The following CPNE9 variants were observed in gnomAD, a reference collection of about 807,000 sequenced individuals.
CPNE9 encodes copine family member 9.
Under a neutral mutation model 83.0 loss-of-function variants are expected in CPNE9, and 59 were observed. That is an observed-to-expected ratio of 0.71 (90% confidence interval 0.58 to 0.88). The LOEUF is 0.88. Ranked by LOEUF, CPNE9 falls within the 40% of genes least tolerant of loss-of-function variation. The probability of loss-of-function intolerance (pLI) is 0.00; values close to 1 mark genes in which losing one functional copy is unlikely to be tolerated. For missense variants in CPNE9, 619 were observed against 720.8 expected (o/e 0.86, Z 1.62); for synonymous variants, 256 against 273.4 (o/e 0.94, Z 0.63).
At chr3:9,715,418 A>C in intron 12 of CPNE9, 54 bp downstream of exon 12, 1 of 1,611,886 alleles carries the variant, frequency 6.2e-7, no homozygotes, top group Non-Finnish European at 8.5e-7. Flanking sequence ...CAGTGTGCTC[A>C]GTCTGGACCT....
chr3:9,705,444 C>T lies in CPNE9; in HGVS notation c.261-20C>T, dbSNP rs2076553289. 1.3e-6 allele frequency: 2 copies of T among 1,514,554 alleles called. No individual in the cohort carries two copies. Among genetic ancestry groups the T allele is most frequent in the African/African-American group, 1.4e-5 (1 of 72,112 alleles). The allele number at this position is 1,514,554 out of a possible 1,614,324, so 93.8% of individuals were successfully genotyped here. On this transcript the variant is annotated intron_variant, in intron 4 of 20. Coordinates refer to ENST00000383832, the MANE Select transcript of CPNE9 (RefSeq NM_153635.3). ...TCCCCCACCCAGCCCCACCCCACACCGGTTCCACTCTTTTCCCAGGTACAA... is the reference window on the plus strand; with the variant it reads ...TCCCCCACCCAGCCCCACCCCACACTGGTTCCACTCTTTTCCCAGGTACAA...
At position 9,729,668 on chromosome 3, in the gene CPNE9, G is replaced by C. The variant is rs200650201; in HGVS notation, c.1638G>C (p.Pro546=). The C allele has an allele frequency of 3.1e-6, 5 of 1,610,318 alleles. No homozygotes were observed. Among genetic ancestry groups the C allele is most frequent in the Non-Finnish European group, 4.2e-6 (5 of 1,177,160 alleles). ...CCCCACCCCCTGCCAACCCCAGCCC[G>C]ATCCCAGCTCCAGAGCAGCCCTGAG... ...PRPPPPANPS[P]IPAPEQP is the part of the protein sequence containing the mutation. The change falls in exon 21 of 21, where the codon CCG becomes CCC. Residue 546 remains proline, a synonymous_variant. Coordinates refer to ENST00000383832, the MANE Select transcript of CPNE9 (RefSeq NM_153635.3).
chr3:9,725,707 T>C (rs1469626147), intron 17 of CPNE9, among the ~76,000 whole-genome samples: 1 of 148,830 alleles, frequency 6.7e-6, no homozygotes, highest in East Asian at 1.9e-4. Flanking sequence ...TGTATATATG[T>C]GTATATATGT....
At position 9,704,471 on chromosome 3, in the gene CPNE9, G is replaced by A; in HGVS notation, c.69-116G>A. On this transcript the variant is annotated intron_variant, in intron 1 of 20. Coordinates refer to ENST00000383832, the MANE Select transcript of CPNE9 (RefSeq NM_153635.3). This position sits in a 1 kb window ranked among gnomAD's most constrained non-coding sequence, Gnocchi z 7.1. ...GCGGACCCCGGCTGGGGGTAGCCAT[G>A]GGGGACAGAGGTTCGATGCGGGCCC... is the stretch of plus-strand genomic sequence containing the variant. 2.2e-6 allele frequency: 2 copies of A among 894,208 alleles called. No homozygotes were observed. The allele number at this position is 894,208 out of a possible 1,614,324, so 55.4% of individuals were successfully genotyped here.
At position 9,712,784 on chromosome 3, in the gene CPNE9, A is replaced by G. The variant is rs561992622; in HGVS notation, c.501A>G (p.Lys167=). The G allele has an allele frequency of 1.0e-4, 169 of 1,614,150 alleles. 1 individual carries two copies. The East Asian group carries it at 3.6e-3, about 35-fold the overall frequency. The change falls in exon 9 of 21, where the codon AAA becomes AAG. Residue 167 remains lysine, a synonymous_variant. Transcript: ENST00000383832. ...NKLDKKDFFG[K]SDPFLVFYRS... The stretch of plus-strand genomic sequence containing the variant: ...TGGACAAGAAGGACTTCTTTGGGAA[A>G]TCAGACCCCTTCCTTGTGTTCTACA...
chr3:9,725,684 A>ATATATATGTGTATATATG (rs1559646180), intron 17 of CPNE9, among the ~76,000 whole-genome samples: 5 of 59,944 alleles, frequency 8.3e-5, no homozygotes, highest in South Asian at 1.4e-3. Flanking sequence ...GTGTATATAT[A>ATATATATGTGTATATATG]TATACATATA....
chr3:9,722,526 T>A (rs1032059564), intron 17 of CPNE9, among the ~76,000 whole-genome samples: 8 of 151,980 alleles, frequency 5.3e-5, no homozygotes, highest in Middle Eastern at 3.4e-3. Context: ...TTTTTTTTTT[T>A]AAGAGACAGG....
Position 9,729,871 on chromosome 3 carries a change from C to G in CPNE9, c.*179C>G, listed in dbSNP as rs1045157989. ...AGGGCCTGGCACTATCACCACCTCT[C>G]TGCCTTCATGCCAATAATAAAGCTG... On this transcript the variant is annotated 3_prime_UTR_variant, in exon 21 of 21. Transcript: ENST00000383832. 15 of 767,928 alleles carry G rather than the reference C, an allele frequency of 2.0e-5. No homozygotes were observed. Among genetic ancestry groups the G allele is most frequent in the Non-Finnish European group, 3.0e-5 (15 of 508,188 alleles). The allele number at this position is 767,928 out of a possible 1,614,324, so 47.6% of individuals were successfully genotyped here. A position where few individuals can be genotyped will look rare whatever the true frequency, so the allele number is the denominator to read the frequency against.
At chr3:9,709,516 C>G (rs1024185100) in intron 7 of CPNE9, among the ~76,000 whole-genome samples, 3 of 151,054 alleles carry the variant, frequency 2.0e-5, no homozygotes, top group African/African-American at 7.3e-5. Context: ...TTACAGGCGC[C>G]TGCCACCGCG....
intron 6 of CPNE9, 79 bp from the exon 7 acceptor site, chr3:9,705,908 G>T: frequency 6.6e-7 from 1 of 1,505,894 alleles, no homozygotes. Context: ...CCCTGGTCCT[G>T]TGCAGGAGCA....
rs766942159 is a variant in CPNE9, at chr3:9,718,507, C to A, written c.1146C>A (p.Gly382=). ...ATGATGAGGACCCCAACTGTGCGGG[C>A]ATCGAGGGTGTGCTGGAGAGCTATT... ...NNNDEDPNCA[G]IEGVLESYFQ... The change falls in exon 17 of 21, where the codon GGC becomes GGA. Residue 382 remains glycine, a synonymous_variant. Coordinates refer to ENST00000383832, the MANE Select transcript of CPNE9 (RefSeq NM_153635.3). 7.4e-6 allele frequency: 12 copies of A among 1,613,428 alleles called. No homozygotes were observed. Among genetic ancestry groups the A allele is most frequent in the East Asian group, 6.7e-5 (3 of 44,882 alleles).
At chr3:9,705,443 C>A in intron 4 of CPNE9, 21 bp from the exon 5 acceptor site, 2 of 1,489,276 alleles carry the variant, frequency 1.3e-6, no homozygotes, top group Non-Finnish European at 1.8e-6. Flanking sequence ...CCACCCCACA[C>A]CGGTTCCACT....
At chr3:9,710,731 A>C (rs1197373980) in intron 7 of CPNE9, among the ~76,000 whole-genome samples, 1 of 152,170 alleles carries the variant, frequency 6.6e-6, no homozygotes, top group Non-Finnish European at 1.5e-5. Flanking sequence ...AATATATCGA[A>C]AGTGAGAGAA....
rs752477274 is a variant in CPNE9 at position 9,704,622 on chromosome 3, AC to A, written c.108del (p.Met37TrpfsTer22). On this transcript the variant is annotated frameshift_variant, in exon 2 of 21. Coordinates refer to ENST00000383832, the MANE Select transcript of CPNE9 (RefSeq NM_153635.3). LOFTEE classifies it high-confidence loss of function. This position sits in a 1 kb window ranked among gnomAD's most constrained non-coding sequence, Gnocchi z 7.1. ...GACCTTGATACCTTCTCCAAGTCCG[AC>A]CCCAGTAGGCGGCTCCAGGACCGGG... is the stretch of plus-strand genomic sequence containing the variant. ...LLDLDTFSKS[D>X]PMVVLYTQSR... is the part of the protein sequence containing the mutation. 4 of 1,613,690 alleles carry A rather than the reference AC, an allele frequency of 2.5e-6. 1 individual carries two copies. In the South Asian group the frequency reaches 4.4e-5, roughly 18 times the overall value.
In CPNE9 at chr3:9,704,775, G is replaced by C; in HGVS notation, c.136G>C (p.Ala46Pro). 1 of 1,611,552 alleles carries C rather than the reference G, an allele frequency of 6.2e-7. No individual in the cohort carries two copies. Among genetic ancestry groups the C allele is most frequent in the Non-Finnish European group, 8.5e-7 (1 of 1,179,348 alleles). ...PMVVLYTQSR[A>P]SQEWREFGRT... ...GGTGGTGCTTTACACGCAGAGCCGG[G>C]CCAGCCAGGAGTGGCGGGAGGTGAG... The change falls in exon 3 of 21, where the codon GCC becomes CCC. Residue 46 changes from alanine (A) to proline (P), a missense_variant. Coordinates refer to ENST00000383832, the MANE Select transcript of CPNE9 (RefSeq NM_153635.3). The surrounding 1 kb of genome is among the most constrained non-coding windows in gnomAD (Gnocchi z 7.1).
In CPNE9 at chr3:9,704,003, C is replaced by A; in HGVS notation, c.7C>A (p.Leu3Ile). 1 of 1,605,960 alleles carries A rather than the reference C, an allele frequency of 6.2e-7. No homozygotes were observed. The highest frequency in any genetic ancestry group is 1.1e-5 in the South Asian group (1 of 90,022). MS[L>I]GGASERSVPA... is the part of the protein sequence containing the mutation. Reference sequence around the variant, plus strand: ...TCTGGTCGCCCGACCAGCCATGTCTCTCGGCGGAGCCTCCGAGCGCAGCGT... The same window carrying A: ...TCTGGTCGCCCGACCAGCCATGTCTATCGGCGGAGCCTCCGAGCGCAGCGT... The change falls in exon 1 of 21, where the codon CTC becomes ATC. Residue 3 changes from leucine (L) to isoleucine (I), a missense_variant. Coordinates refer to ENST00000383832, the MANE Select transcript of CPNE9 (RefSeq NM_153635.3). The surrounding 1 kb of genome is among the most constrained non-coding windows in gnomAD (Gnocchi z 7.1).
intron 15 of CPNE9, among the ~76,000 whole-genome samples, chr3:9,717,811 G>A (rs912032642): frequency 3.3e-5 from 5 of 152,134 alleles, no homozygotes; most frequent in Admixed American, 3.3e-4. Context: ...TGGGTGGATG[G>A]ATGTGTGGGT....
At chr3:9,705,289 A>G (rs2076550639) in intron 4 of CPNE9, among the ~76,000 whole-genome samples, 175 bp from the exon 5 acceptor site, 1 of 151,476 alleles carries the variant, frequency 6.6e-6, no homozygotes, top group Admixed American at 6.6e-5. Flanking sequence ...CCCAGGCTTG[A>G]CCGTCTGACT....
At chr3:9,715,035 C>A in intron 11 of CPNE9, 80 bp downstream of exon 11, 2 of 1,349,618 alleles carry the variant, frequency 1.5e-6, no homozygotes, top group African/African-American at 1.4e-5. Context: ...TCACTGAGAA[C>A]CCCAAAGTAG....
Sources: gnomAD v4.1 joint callset for allele counts (sites outside exome capture counted in the v4.1 genomes callset) on GRCh38, gnomAD v4.1.1 for gene constraint, Gnocchi (gnomAD v3.1) non-coding constraint, MANE v1.5 for transcripts, NCBI Gene and HGNC (gene_info 2026-07-23, HGNC 2026-07-21) for gene names.